Variants in DPP8 observed in about 807,000 individuals in gnomAD.
DPP8 encodes the protein DPP VIII.
Under a neutral mutation model 107.5 loss-of-function variants are expected in DPP8, and 31 were observed. That is an observed-to-expected ratio of 0.29 (90% CI 0.22 to 0.39). The LOEUF (loss-of-function observed/expected upper bound fraction) is 0.39. DPP8 is among the 10% of genes least tolerant of loss of function. The pLI is 1.00. For synonymous variants in DPP8, 381 were observed against 356.6 expected, an observed-to-expected ratio of 1.07 and a Z score of -0.77; for missense variants, 842 against 1,076.1, an observed-to-expected ratio of 0.78 and a Z score of 3.04.
chr15:65,479,183 A>C, intron 10 of DPP8, 144 bp from the exon 11 acceptor site: 1 of 532,088 alleles, frequency 1.9e-6, no homozygotes, highest in Non-Finnish European at 3.0e-6. Context: ...TTACAGTAAT[A>C]AATTTTGCTT....
intron 4 of DPP8, among the ~76,000 whole-genome samples, chr15:65,498,853 G>A (rs950258993): frequency 2.0e-5 from 3 of 151,936 alleles, no homozygotes; most frequent in Admixed American, 2.0e-4. Context: ...TAAAGTCCAA[G>A]ACAAGCTGGG....
chr15:65,457,897 A>C (rs1336449606), intron 15 of DPP8, among the ~76,000 whole-genome samples: 1 of 152,096 alleles, frequency 6.6e-6, no homozygotes, highest in East Asian at 1.9e-4. Context: ...GGGCTCAAGT[A>C]ATCCTCCCAC....
In DPP8 at chr15:65,487,630, G is replaced by C. The variant is rs549176027; in HGVS notation, c.955+60C>G. On this transcript the variant is annotated intron_variant, in intron 7 of 19. Coordinates refer to ENST00000300141, the MANE Select transcript of DPP8 (RefSeq NM_130434.5). ...TTGGCTACACCTTTGGATGACTACA[G>C]AAAGAATCTTATTTGGAAAGAGGAA... is the stretch of plus-strand genomic sequence containing the variant. The C allele has an allele frequency of 1.4e-5, 21 of 1,540,546 alleles. No individual in the cohort carries two copies. The African/African-American group carries it at 2.4e-4, about 17-fold the overall frequency.
At chr15:65,512,258 G>T (rs374734640) in intron 2 of DPP8, 37 bp downstream of exon 2, 4 of 1,567,684 alleles carry the variant, frequency 2.6e-6, no homozygotes, top group East Asian at 2.3e-5. Flanking sequence ...TGACTTAAGA[G>T]ATCATTTTCT....
At position 65,496,072 on chromosome 15, in the gene DPP8, C is replaced by T. The variant is rs538044868; in HGVS notation, c.715+1792G>A. On this transcript the variant is annotated intron_variant, in intron 5 of 19. Coordinates refer to ENST00000300141, the MANE Select transcript of DPP8 (RefSeq NM_130434.5). ...GATCTCAGCTCACTGGAAGCTCCGC[C>T]TCCTGGGTTCACATCATTCTCCTGC... Among the ~76,000 whole-genome samples, 45 of 151,924 alleles carry T rather than the reference C, an allele frequency of 3.0e-4. 1 individual carries two copies. Among genetic ancestry groups the T allele is most frequent in the African/African-American group, 8.0e-4 (33 of 41,454 alleles).
chr15:65,464,383 T>TA (rs980817478), intron 14 of DPP8, among the ~76,000 whole-genome samples: 15 of 142,876 alleles, frequency 1.0e-4, no homozygotes, highest in South Asian at 4.5e-4. Context: ...ATAAATAATT[T>TA]AAAAAAAACA....
At chr15:65,454,242 G>A in intron 17 of DPP8, 21 bp downstream of exon 17, 5 of 1,473,378 alleles carry the variant, frequency 3.4e-6, no homozygotes, top group Non-Finnish European at 4.5e-6. Flanking sequence ...GCAAAAATGA[G>A]TATAATAGGA....
rs1350677054 is a variant in DPP8 at position 65,451,949 on chromosome 15, C to T, written c.2414+11G>A. 8 of 1,506,954 alleles carry T rather than the reference C, an allele frequency of 5.3e-6. No individual in the cohort carries two copies. The highest frequency in any genetic ancestry group is 1.5e-5 in the African/African-American group (1 of 68,868). The allele number at this position is 1,506,954 out of a possible 1,614,324, so 93.3% of individuals were successfully genotyped here. A position where few individuals can be genotyped will look rare whatever the true frequency, so the allele number is the denominator to read the frequency against. On this transcript the variant is annotated intron_variant, in intron 18 of 19. Transcript: ENST00000300141. Reference sequence around the variant, plus strand: ...CAATTTAAAAAAAAAAAAAAAAAAGCTTGCACTTACTCAGAGGGGAACTTT... The same window carrying T: ...CAATTTAAAAAAAAAAAAAAAAAAGTTTGCACTTACTCAGAGGGGAACTTT...
At chr15:65,498,462 G>GC (rs2068830295) in intron 4 of DPP8, among the ~76,000 whole-genome samples, 1 of 150,854 alleles carries the variant, frequency 6.6e-6, no homozygotes, top group Non-Finnish European at 1.5e-5. Flanking sequence ...TTGCTTCCCA[G>GC]AAAAATATAC....
chr15:65,450,531 CTG>C (rs895435277), intron 19 of DPP8, among the ~76,000 whole-genome samples: 3 of 152,098 alleles, frequency 2.0e-5, no homozygotes, highest in Non-Finnish European at 4.4e-5. Flanking sequence ...TTAAGAAAAA[CTG>C]GAATAAGGAG....
rs542314824 is a variant in DPP8 at position 65,494,149 on chromosome 15, C to CTTTT, written c.715+3711_715+3714dup. Among the ~76,000 whole-genome samples the CTTTT allele has an allele frequency of 9.3e-4, 115 of 123,244 alleles. 6 individuals carry two copies. The highest frequency in any genetic ancestry group is 9.2e-3 in the South Asian group (39 of 4,226). 80.9% of individuals were successfully genotyped at this position (123,244 alleles called of 152,430 possible). On this transcript the variant is annotated intron_variant, in intron 5 of 19. Coordinates refer to ENST00000300141, the MANE Select transcript of DPP8 (RefSeq NM_130434.5). ...TTGAAATTCAAACCGGTTCTATATCCTTTTTTTTTTTTTTAGAGACAGGGT... is the reference window on the plus strand; with the variant it reads ...TTGAAATTCAAACCGGTTCTATATCCTTTTTTTTTTTTTTTTTTAGAGACAGGGT...
Position 65,463,858 on chromosome 15 carries a change from G to A in DPP8, c.1874C>T (p.Thr625Ile), listed in dbSNP as rs142999124. 1 of 1,598,246 alleles carries A rather than the reference G, an allele frequency of 6.3e-7. No homozygotes were observed. Among genetic ancestry groups the A allele is most frequent in the Middle Eastern group, 1.7e-4 (1 of 5,974 alleles). ...TPPEIFSFES[T>I]TGFTLYGMLY... ...CATCCCATACAATGTAAATCCAGTA[G>A]TACTTTCAAAAGAGAAAATTTCTGG... Residue 625 changes from threonine (T) to isoleucine (I), a missense_variant, in exon 15 of 20, where the codon ACT becomes ATT. Around this residue, in one of 2 missense-constraint regions of DPP8, gnomAD observed 663 missense variants for 758.0 expected, o/e 0.87. Coordinates refer to ENST00000300141, the MANE Select transcript of DPP8 (RefSeq NM_130434.5).
chr15:65,479,218 T>C (rs1387109565), intron 10 of DPP8, among the ~76,000 whole-genome samples, 179 bp from the exon 11 acceptor site: 1 of 152,234 alleles, frequency 6.6e-6, no homozygotes, highest in Non-Finnish European at 1.5e-5. Flanking sequence ...TATTTTACTT[T>C]AGTCAAAGAC....
intron 3 of DPP8, among the ~76,000 whole-genome samples, chr15:65,506,260 C>T (rs1479345496): frequency 2.6e-5 from 4 of 151,588 alleles, no homozygotes; most frequent in Admixed American, 6.6e-5. Flanking sequence ...ACCCGGGAGG[C>T]GGAGGTTGTA....
chr15:65,494,045 A>G (rs1207478617), intron 5 of DPP8, among the ~76,000 whole-genome samples: 1 of 144,884 alleles, frequency 6.9e-6, no homozygotes, highest in Non-Finnish European at 1.5e-5. Context: ...CTATTAATTA[A>G]TATCTGTTTT....
intron 19 of DPP8, among the ~76,000 whole-genome samples, chr15:65,447,289 C>T (rs969242940): frequency 2.0e-5 from 3 of 152,272 alleles, no homozygotes; most frequent in Admixed American, 6.5e-5. Flanking sequence ...GGGATAGACA[C>T]GGTCAAAACT....
At position 65,507,197 on chromosome 15, in the gene DPP8, C is replaced by A. The variant is rs748985193; in HGVS notation, c.372+46G>T. ...CCCAACCTCTAAATAAATGCAGTAT[C>A]TGAATACATACACCAAATCATAGGA... On this transcript the variant is annotated intron_variant, in intron 3 of 19. Coordinates refer to ENST00000300141, the MANE Select transcript of DPP8 (RefSeq NM_130434.5). 3.6e-6 allele frequency: 4 copies of A among 1,110,524 alleles called. No individual in the cohort carries two copies. In the African/African-American group the frequency reaches 6.4e-5, roughly 18 times the overall value. The allele number at this position is 1,110,524 out of a possible 1,614,324, so 68.8% of individuals were successfully genotyped here.
chr15:65,461,229 C>T (rs1425657831), intron 15 of DPP8, among the ~76,000 whole-genome samples: 1 of 152,042 alleles, frequency 6.6e-6, no homozygotes, highest in African/African-American at 2.4e-5. Context: ...ACTGCAACCT[C>T]GAACTCCTGG....
At chr15:65,456,120 T>C in intron 16 of DPP8, 105 bp downstream of exon 16, 1 of 1,294,358 alleles carries the variant, frequency 7.7e-7, no homozygotes, top group Non-Finnish European at 1.1e-6. Context: ...TCTCACTCAC[T>C]CATTCATAGC....
Sources: gnomAD v4.1 joint callset for allele counts (sites outside exome capture counted in the v4.1 genomes callset) on GRCh38, gnomAD v4.1.1 for gene constraint, gnomAD v4.1.1 regional missense constraint, MANE v1.5 for transcripts, NCBI Gene and HGNC (gene_info 2026-07-23, HGNC 2026-07-21) for gene names.